SPAG16: variants seen among roughly 807,000 people sequenced by gnomAD.
SPAG16 encodes the protein sperm-associated antigen 16 protein.
A neutral mutation model predicts 80.4 loss-of-function variants in SPAG16; 86 were observed. The observed-to-expected ratio is 1.07, with a 90% CI of 0.90 to 1.28. The LOEUF (loss-of-function observed/expected upper bound fraction) is 1.28, where lower values mean the gene tolerates loss of function less well. Among genes scored for constraint, SPAG16 ranks in the 50% most tolerant of loss-of-function variants. The pLI is 0.00. For synonymous variants in SPAG16, 294 were observed against 265.9 expected (o/e 1.11, Z -1.03); for missense variants, 870 against 765.3 (o/e 1.14, Z -1.61).
intron 9 of SPAG16, among the ~76,000 whole-genome samples, chr2:213,401,853 T>G (rs749178261): frequency 6.6e-6 from 1 of 152,168 alleles, no homozygotes; most frequent in Non-Finnish European, 1.5e-5. Flanking sequence ...GTTTTCACTA[T>G]GTATTTTTCT....
chr2:214,247,819 G>A (rs989961625), intron 15 of SPAG16, among the ~76,000 whole-genome samples: 1 of 152,056 alleles, frequency 6.6e-6, no homozygotes, highest in Non-Finnish European at 1.5e-5. Flanking sequence ...ATTGCTTGAG[G>A]TCAGAAGTTT....
intron 13 of SPAG16, among the ~76,000 whole-genome samples, chr2:214,040,233 G>T (rs71428314): frequency 0.12 from 17,595 of 152,146 alleles, 1,163 homozygotes; most frequent in Non-Finnish European, 0.15. Context: ...TAGCCTGGTG[G>T]TCTCTCATTT....
intron 10 of SPAG16, among the ~76,000 whole-genome samples, chr2:213,518,485 G>A (rs948799849): frequency 6.6e-6 from 1 of 152,106 alleles, no homozygotes; most frequent in Non-Finnish European, 1.5e-5. Context: ...GAACTTCTGG[G>A]CTAAAGCATT....
At chr2:213,420,558 C>T (rs1369565721) in intron 9 of SPAG16, among the ~76,000 whole-genome samples, 2 of 152,134 alleles carry the variant, frequency 1.3e-5, no homozygotes, top group African/African-American at 2.4e-5. Context: ...CAGTGAAGGA[C>T]GTGAATATGT....
At chr2:214,217,960 A>G (rs952775965) in intron 15 of SPAG16, among the ~76,000 whole-genome samples, 12 of 152,082 alleles carry the variant, frequency 7.9e-5, no homozygotes, top group African/African-American at 2.9e-4. Flanking sequence ...ACCTTTGCTT[A>G]TTTGGATTAT....
intron 15 of SPAG16, among the ~76,000 whole-genome samples, chr2:214,208,545 G>A (rs1214988396): frequency 1.3e-5 from 2 of 152,124 alleles, no homozygotes; most frequent in African/African-American, 4.8e-5. Context: ...AAACATATCA[G>A]TCATAGTATA....
At chr2:214,017,232 A>G (rs1050677669) in intron 13 of SPAG16, among the ~76,000 whole-genome samples, 1 of 152,184 alleles carries the variant, frequency 6.6e-6, no homozygotes, top group Non-Finnish European at 1.5e-5. Context: ...AAGGTCCGAC[A>G]ATCTCCTCCT....
chr2:214,277,910 T>C (rs7569105), intron 15 of SPAG16, among the ~76,000 whole-genome samples: 152,336 of 152,352 alleles, frequency 1, 76,160 homozygotes, highest in Non-Finnish European at 1. Context: ...GCCCTGCCCC[T>C]AGAGGTGGAG....
rs576696432 is a variant in SPAG16, at chr2:213,919,787, T to C, written c.1215-10173T>C. The stretch of plus-strand genomic sequence containing the variant: ...TTCTATTTGTTTTGGGAGGGGAGAG[T>C]TCTGTAGATATCTATCAGGTCCTTT... On this transcript the variant is annotated intron_variant, in intron 11 of 15. Transcript: ENST00000331683. Among the ~76,000 whole-genome samples the C allele has an allele frequency of 8.6e-5, 13 of 151,878 alleles. No individual in the cohort carries two copies. The South Asian group carries it at 1.5e-3, about 17-fold the overall frequency.
chr2:214,377,028 A>G (rs1307506101), intron 15 of SPAG16, among the ~76,000 whole-genome samples: 1 of 152,252 alleles, frequency 6.6e-6, no homozygotes, highest in Non-Finnish European at 1.5e-5. Flanking sequence ...ACAGTTTTAA[A>G]TAATAACTAC....
chr2:214,012,276 A>ATG (rs1559689643), intron 12 of SPAG16, among the ~76,000 whole-genome samples: 6 of 46,340 alleles, frequency 1.3e-4, no homozygotes, highest in South Asian at 1.3e-3. Context: ...ATATATATAT[A>ATG]TATATATATA....
chr2:213,962,296 C>T (rs1230233299), intron 12 of SPAG16, among the ~76,000 whole-genome samples: 1 of 151,158 alleles, frequency 6.6e-6, no homozygotes, highest in Non-Finnish European at 1.5e-5. Context: ...GGGTTCACGC[C>T]ATTCTCCTGC....
At chr2:214,104,447 G>T (rs2053263753) in intron 13 of SPAG16, among the ~76,000 whole-genome samples, 1 of 152,060 alleles carries the variant, frequency 6.6e-6, no homozygotes, top group Non-Finnish European at 1.5e-5. Flanking sequence ...GGAGGCTCCT[G>T]CCATAGTCAG....
At position 213,403,195 on chromosome 2, in the gene SPAG16, T is replaced by G. The variant is rs553001800; in HGVS notation, c.942+28076T>G. 1.5e-3 allele frequency among the ~76,000 whole-genome samples: 230 copies of G among 152,356 alleles called. 1 individual carries two copies. The highest frequency in any genetic ancestry group is 6.8e-3 in the Middle Eastern group (2 of 294). On this transcript the variant is annotated intron_variant, in intron 9 of 15. Transcript: ENST00000331683. ...GATGGCCAGTGATGATGAGCATTTT[T>G]CATGTGTTTTTTGGCTGCATAAATG...
At chr2:214,042,857 A>G (rs538805115) in intron 13 of SPAG16, among the ~76,000 whole-genome samples, 1 of 152,302 alleles carries the variant, frequency 6.6e-6, no homozygotes, top group South Asian at 2.1e-4. Context: ...AGTTTTGATG[A>G]AATATAGCAC....
At chr2:214,216,420 C>T (rs998355229) in intron 15 of SPAG16, among the ~76,000 whole-genome samples, 1 of 152,166 alleles carries the variant, frequency 6.6e-6, no homozygotes, top group Non-Finnish European at 1.5e-5. Flanking sequence ...CTGCCAGGAT[C>T]CAGCGATTCC....
chr2:213,764,956 A>T (rs955051874), intron 10 of SPAG16, among the ~76,000 whole-genome samples: 2 of 152,232 alleles, frequency 1.3e-5, no homozygotes, highest in Non-Finnish European at 2.9e-5. Context: ...CTCAAGCAAG[A>T]GTCAGTGCTC....
At chr2:214,209,528 T>TTCTTGA (rs1237979192) in intron 15 of SPAG16, among the ~76,000 whole-genome samples, 1 of 152,190 alleles carries the variant, frequency 6.6e-6, no homozygotes, top group East Asian at 1.9e-4. Context: ...CTGCTCTTCT[T>TTCTTGA]TCTTGCTCTT....
intron 10 of SPAG16, among the ~76,000 whole-genome samples, chr2:213,704,422 G>A (rs1422905092): frequency 1.3e-5 from 2 of 152,126 alleles, no homozygotes; most frequent in Admixed American, 6.5e-5. Flanking sequence ...GATAGGCTGA[G>A]TGGGAACTGG....
Sources: allele counts gnomAD v4.1 joint callset (sites outside exome capture counted in the v4.1 genomes callset), GRCh38; gene constraint gnomAD v4.1.1; transcripts MANE v1.5; gene names NCBI Gene and HGNC (gene_info 2026-07-23, HGNC 2026-07-21).